SPTB: variants seen among roughly 807,000 people sequenced by gnomAD.
The protein encoded by SPTB is spectrin beta, erythrocytic.
A neutral mutation model predicts 256.2 loss-of-function variants in SPTB; 45 were observed. The observed-to-expected ratio is 0.18, with a 90% CI of 0.14 to 0.23. The LOEUF (loss-of-function observed/expected upper bound fraction) is 0.23. Among genes scored for constraint, SPTB ranks in the 10% least tolerant of loss-of-function variants. The pLI is 1.00. For synonymous variants in SPTB, 1,231 were observed against 1,243.1 expected (o/e 0.99, Z 0.21); for missense variants, 2,715 against 3,040.4 (o/e 0.89, Z 2.52).
chr14:64,750,482 T>C (rs1251342682), intron 33 of SPTB, among the ~76,000 whole-genome samples: 2 of 152,160 alleles, frequency 1.3e-5, no homozygotes, highest in Non-Finnish European at 1.5e-5. Flanking sequence ...TATCCTCAAA[T>C]ATTTCTTTTT....
intron 3 of SPTB, 38 bp downstream of exon 3, chr14:64,804,901 G>A (rs761799912): frequency 3.0e-5 from 49 of 1,612,656 alleles, no homozygotes; most frequent in Non-Finnish European, 4.1e-5. Flanking sequence ...AAGAGGGGCC[G>A]ATGGCAGCAG....
At chr14:64,801,499 T>C in intron 6 of SPTB, 99 bp from the exon 7 acceptor site, 1 of 951,810 alleles carries the variant, frequency 1.1e-6, no homozygotes, top group Non-Finnish European at 1.7e-6. Context: ...GGCAGGGAGG[T>C]GGTCAGGCAG....
At chr14:64,804,431 T>C (rs2139640499) in intron 3 of SPTB, among the ~76,000 whole-genome samples, 1 of 152,360 alleles carries the variant, frequency 6.6e-6, no homozygotes, top group East Asian at 1.9e-4. Flanking sequence ...TCCTGCCTGA[T>C]AGGCCCAAGG....
intron 19 of SPTB, 138 bp downstream of exon 19, chr14:64,784,106 GCTA>G: frequency 8.0e-7 from 1 of 1,251,630 alleles, no homozygotes; most frequent in Non-Finnish European, 1.1e-6. Context: ...TGAAGGTTTA[GCTA>G]CTATTTAGAA....
intron 1 of SPTB, among the ~76,000 whole-genome samples, chr14:64,863,998 C>T (rs1046530962): frequency 1.3e-5 from 2 of 152,094 alleles, no homozygotes; most frequent in African/African-American, 4.8e-5. Flanking sequence ...ATGACAGGGG[C>T]CCATAAGTAC....
At position 64,778,787 on chromosome 14, in the gene SPTB, G is replaced by T. The variant is rs913967273; in HGVS notation, c.4563+370C>A. On this transcript the variant is annotated intron_variant, in intron 22 of 35. Coordinates refer to ENST00000644917, the MANE Select transcript of SPTB (RefSeq NM_001355436.2). The surrounding 1 kb of genome is among the most constrained non-coding windows in gnomAD (Gnocchi z 5.2). ...GGGCAAGGCAGTGTTGTGGGAGAGA[G>T]ATCAGGAGTTACTGCCCTCCTCTCA... 6.6e-6 allele frequency among the ~76,000 whole-genome samples: 1 copy of T among 152,142 alleles called. No individual in the cohort carries two copies.
At chr14:64,854,828 T>C (rs2083846627) in intron 1 of SPTB, among the ~76,000 whole-genome samples, 1 of 152,138 alleles carries the variant, frequency 6.6e-6, no homozygotes, top group South Asian at 2.1e-4. Flanking sequence ...AACTTGGTAT[T>C]ATTTCCTGGT....
At chr14:64,862,639 C>T (rs1485347563) in intron 1 of SPTB, among the ~76,000 whole-genome samples, 8 of 151,750 alleles carry the variant, frequency 5.3e-5, no homozygotes, top group African/African-American at 1.2e-4. Flanking sequence ...TTTGGGAGGC[C>T]GAGGTGGGCA....
intron 29 of SPTB, 98 bp from the exon 30 acceptor site, chr14:64,767,957 C>A: frequency 7.2e-7 from 1 of 1,395,196 alleles, no homozygotes; most frequent in South Asian, 1.2e-5. Context: ...AGGCAGGTGG[C>A]CTGAATAGGT....
rs1190156692 is a variant in SPTB at position 64,749,264 on chromosome 14, C to A, written c.*42G>T. Reference sequence around the variant, plus strand: ...GAGGCCAAGGCCTGGGCTGCCCGGTCTCTGCGCGTCCCGACTCCGCCGCGC... The same window carrying A: ...GAGGCCAAGGCCTGGGCTGCCCGGTATCTGCGCGTCCCGACTCCGCCGCGC... On this transcript the variant is annotated 3_prime_UTR_variant, in exon 36 of 36. Coordinates refer to ENST00000644917, the MANE Select transcript of SPTB (RefSeq NM_001355436.2). This position sits in a 1 kb window ranked among gnomAD's most constrained non-coding sequence, Gnocchi z 4.7. 1.9e-6 allele frequency: 3 copies of A among 1,542,556 alleles called. No individual in the cohort carries two copies. The South Asian group carries it at 3.5e-5, about 18-fold the overall frequency.
intron 15 of SPTB, among the ~76,000 whole-genome samples, chr14:64,788,198 A>C (rs2082607444): frequency 6.6e-6 from 1 of 152,182 alleles, no homozygotes; most frequent in Non-Finnish European, 1.5e-5. Context: ...ACAACCCATC[A>C]CTGGACACAA....
chr14:64,812,783 T>C (rs1298044588), intron 2 of SPTB, among the ~76,000 whole-genome samples: 2 of 152,166 alleles, frequency 1.3e-5, no homozygotes, highest in African/African-American at 2.4e-5. Flanking sequence ...AACTGTAAAG[T>C]TGAAGTATCT....
At chr14:64,751,801 C>T (rs746396659) in intron 33 of SPTB, among the ~76,000 whole-genome samples, 2 of 151,460 alleles carry the variant, frequency 1.3e-5, no homozygotes, top group Non-Finnish European at 2.9e-5. Flanking sequence ...GGGCTCATGT[C>T]GGCCGGGCGT....
Position 64,800,846 on chromosome 14 carries a change from A to C in SPTB, c.786T>G (p.Asp262Glu). ...CCACATAGGTGATGATGGATTTCTC[A>C]TCAGGGTTTTCCGTAAAGACATCTG... ...DPEDVFTENP[D>E]EKSIITYVVA... The change falls in exon 8 of 36, where the codon GAT becomes GAG. Residue 262 changes from aspartate (D) to glutamate (E), a missense_variant. Asp to Glu is a conservative substitution (Grantham distance 45). This residue lies in a region of SPTB where 416 missense variants were observed against 571.1 expected (regional missense o/e 0.73). Coordinates refer to ENST00000644917, the MANE Select transcript of SPTB (RefSeq NM_001355436.2). 6.2e-7 allele frequency: 1 copy of C among 1,614,160 alleles called. No individual in the cohort carries two copies. The highest frequency in any genetic ancestry group is 2.2e-5 in the East Asian group (1 of 44,886).
In SPTB at chr14:64,807,215, G is replaced by A. The variant is rs1469069889; in HGVS notation, c.149-2125C>T. ...GGGTGAAAGTTTTAGCCCCTTTAGA[G>A]GTAGGTGTCCCCCAAAGTGAAAGTA... is the stretch of plus-strand genomic sequence containing the variant. On this transcript the variant is annotated intron_variant, in intron 2 of 35. Transcript: ENST00000644917. The surrounding 1 kb of genome is among the most constrained non-coding windows in gnomAD (Gnocchi z 4.7). Among the ~76,000 whole-genome samples the A allele has an allele frequency of 6.6e-6, 1 of 152,204 alleles. No homozygotes were observed. The highest frequency in any genetic ancestry group is 2.4e-5 in the African/African-American group (1 of 41,444).
rs371942974 is a variant in SPTB at position 64,793,380 on chromosome 14, G to A, written c.2283C>T (p.Asp761=). 4.1e-5 allele frequency: 66 copies of A among 1,612,858 alleles called. 1 individual carries two copies. Among genetic ancestry groups the A allele is most frequent in the South Asian group, 2.3e-4 (21 of 91,092 alleles). The change falls in exon 14 of 36, where the codon GAC becomes GAT. Residue 761 remains aspartate, a synonymous_variant. Coordinates refer to ENST00000644917, the MANE Select transcript of SPTB (RefSeq NM_001355436.2). This position sits in a 1 kb window ranked among gnomAD's most constrained non-coding sequence, Gnocchi z 7.0. ...CTTCACCAGAGAGCAGCCGGTGGGC[G>A]TCTTGCAGCCAAGCCTTCAGGTCAT... is the stretch of plus-strand genomic sequence containing the variant. ...DADDLKAWLQ[D]AHRLLSGEDV...
chr14:64,767,895 G>T, intron 29 of SPTB, 36 bp from the exon 30 acceptor site: 1 of 1,609,564 alleles, frequency 6.2e-7, no homozygotes, highest in Non-Finnish European at 8.5e-7. Flanking sequence ...CCCCCACAAG[G>T]CCCAGGGCCT....
intron 1 of SPTB, among the ~76,000 whole-genome samples, chr14:64,851,128 G>A (rs909595663): frequency 1.3e-5 from 2 of 152,156 alleles, no homozygotes; most frequent in Non-Finnish European, 2.9e-5. Flanking sequence ...TACAGACCCA[G>A]TGAGCAACAC....
Position 64,819,503 on chromosome 14 carries a change from G to A in SPTB, c.148+3444C>T, listed in dbSNP as rs371098390. On this transcript the variant is annotated intron_variant, in intron 2 of 35. Transcript: ENST00000644917. Reference sequence around the variant, plus strand: ...CTCCCATGTCACCCAGCCAGATGGCGGAGACACAGCCAGGGTCGTGGACTG... The same window carrying A: ...CTCCCATGTCACCCAGCCAGATGGCAGAGACACAGCCAGGGTCGTGGACTG... Among the ~76,000 whole-genome samples, 11 of 152,286 alleles carry A rather than the reference G, an allele frequency of 7.2e-5. 1 individual carries two copies. The East Asian group carries it at 1.5e-3, about 21-fold the overall frequency.
Sources: gnomAD v4.1 joint callset for allele counts (sites outside exome capture counted in the v4.1 genomes callset) on GRCh38, gnomAD v4.1.1 for gene constraint, gnomAD v4.1.1 regional missense constraint, Gnocchi (gnomAD v3.1) non-coding constraint, MANE v1.5 for transcripts, NCBI Gene and HGNC (gene_info 2026-07-23, HGNC 2026-07-21) for gene names.